Variants in CTPS1 observed in about 807,000 individuals in gnomAD.
CTPS1 encodes CTP synthase 1.
CTPS1 carries 25 observed loss-of-function variants against 80.5 expected under a neutral mutation model. The ratio of observed to expected loss-of-function variants is 0.31; its 90% CI spans 0.23 to 0.43. The LOEUF (loss-of-function observed/expected upper bound fraction) is 0.43. Ranked by LOEUF, CTPS1 falls within the 20% of genes least tolerant of loss-of-function variation. The pLI is 1.00. For synonymous variants in CTPS1, 267 were observed against 252.5 expected (o/e 1.06, Z -0.54); for missense variants, 442 against 725.7 (o/e 0.61, Z 4.49).
In CTPS1 at chr1:41,008,685, T is replaced by C. The variant is rs774975026; in HGVS notation, c.1420T>C (p.Leu474=). The C allele has an allele frequency of 1.9e-6, 3 of 1,614,148 alleles. No homozygotes were observed. Among genetic ancestry groups the C allele is most frequent in the Non-Finnish European group, 2.5e-6 (3 of 1,180,024 alleles). The change falls in exon 15 of 19, where the codon TTG becomes CTG. Residue 474 remains leucine, a synonymous_variant. Transcript: ENST00000650070. ...GAAACTCTATGGAGACGCAGACTAC[T>C]TGGAAGAGAGGCACCGCCACCGATT... ...MRKLYGDADY[L]EERHRHRFEV...
chr1:40,997,583 TC>T, intron 9 of CTPS1, 57 bp downstream of exon 9: 1 of 1,575,530 alleles, frequency 6.3e-7, no homozygotes, highest in Non-Finnish European at 8.6e-7. Context: ...GTCTGTAGTC[TC>T]GTAGGTGCTG....
intron 4 of CTPS1, 130 bp from the exon 5 acceptor site, chr1:40,988,464 T>TA: frequency 1.5e-6 from 1 of 659,840 alleles, no homozygotes; most frequent in Non-Finnish European, 2.7e-6. Flanking sequence ...TAACTAACAT[T>TA]ATACAGGGTT....
intron 1 of CTPS1, chr1:40,980,848 C>T (rs1176412463): frequency 6.5e-6 from 1 of 153,052 alleles, no homozygotes. Flanking sequence ...CCTGCTTCCC[C>T]GCCTTCCCCC....
At chr1:40,999,152 G>C (rs1201889428) in intron 9 of CTPS1, among the ~76,000 whole-genome samples, 2 of 152,186 alleles carry the variant, frequency 1.3e-5, no homozygotes, top group East Asian at 1.9e-4. Flanking sequence ...GGGACACCAG[G>C]TTGGGTTGGG....
chr1:40,983,508 C>T, intron 2 of CTPS1, 52 bp downstream of exon 2: 1 of 1,472,040 alleles, frequency 6.8e-7, no homozygotes, highest in South Asian at 1.3e-5. Flanking sequence ...AACATGTCAG[C>T]ACTTGGGAAT....
At chr1:40,983,087 A>G in intron 1 of CTPS1, 191 bp from the exon 2 acceptor site, 1 of 488,660 alleles carries the variant, frequency 2.0e-6, no homozygotes. Context: ...GACTAAAGCC[A>G]TTCAGTGATC....
chr1:41,012,404 T>C lies in CTPS1; in HGVS notation c.*756T>C, dbSNP rs1274573475. On this transcript the variant is annotated 3_prime_UTR_variant, in exon 19 of 19. Transcript: ENST00000650070. Reference sequence around the variant, plus strand: ...TATATAGACAGCTTTGACTGGAGGGTCCATTTTTCTTCCAGGATGGTGTTA... The same window carrying C: ...TATATAGACAGCTTTGACTGGAGGGCCCATTTTTCTTCCAGGATGGTGTTA... 1 of 152,128 alleles carries C rather than the reference T, an allele frequency of 6.6e-6. No individual in the cohort carries two copies. Among genetic ancestry groups the C allele is most frequent in the Non-Finnish European group, 1.5e-5 (1 of 68,034 alleles). 9.4% of individuals were successfully genotyped at this position (152,128 alleles called of 1,614,324 possible).
At chr1:41,011,023 A>G (rs895407993) in intron 18 of CTPS1, among the ~76,000 whole-genome samples, 1 of 152,182 alleles carries the variant, frequency 6.6e-6, no homozygotes, top group Non-Finnish European at 1.5e-5. Flanking sequence ...CTCCTGCCCT[A>G]AGGCCTGGGC....
chr1:40,998,678 T>C (rs969271921), intron 9 of CTPS1, among the ~76,000 whole-genome samples: 2 of 152,154 alleles, frequency 1.3e-5, no homozygotes, highest in African/African-American at 4.8e-5. Flanking sequence ...CCTTTATTCC[T>C]TTTCTTCCTG....
At chr1:40,981,584 G>C (rs186571794) in intron 1 of CTPS1, among the ~76,000 whole-genome samples, 2 of 152,174 alleles carry the variant, frequency 1.3e-5, no homozygotes, top group Non-Finnish European at 2.9e-5. Context: ...GAGAGACTTA[G>C]GGTCAGATAA....
rs536261661 is a variant in CTPS1 at position 41,012,534 on chromosome 1, TAAG to T, written c.*889_*891del. 1.3e-5 allele frequency: 2 copies of T among 152,158 alleles called. No individual in the cohort carries two copies. Among genetic ancestry groups the T allele is most frequent in the Non-Finnish European group, 2.9e-5 (2 of 68,036 alleles). 9.4% of individuals were successfully genotyped at this position (152,158 alleles called of 1,614,324 possible). ...GCCAGACTCGATGTGTACTCTAACT[TAAG>T]AAATAAATCAGTAAGGCAGAACAAG... On this transcript the variant is annotated 3_prime_UTR_variant, in exon 19 of 19. Coordinates refer to ENST00000650070, the MANE Select transcript of CTPS1 (RefSeq NM_001905.4).
Position 41,007,655 on chromosome 1 carries a change from C to G in CTPS1, c.1393+110C>G, listed in dbSNP as rs1051031118. ...CAGGCTGGCTTTTTTTGGTTTCGTT[C>G]TTGCTTTTGAAGTTCATTCTTTCCT... On this transcript the variant is annotated intron_variant, in intron 14 of 18. Transcript: ENST00000650070. The surrounding 1 kb of genome is among the most constrained non-coding windows in gnomAD (Gnocchi z 4.4). The G allele has an allele frequency of 2.5e-5, 21 of 834,276 alleles. No homozygotes were observed. Among genetic ancestry groups the G allele is most frequent in the Middle Eastern group, 7.0e-4 (2 of 2,868 alleles). The allele number at this position is 834,276 out of a possible 1,614,324, so 51.7% of individuals were successfully genotyped here.
In CTPS1 at chr1:40,991,836, G is replaced by A; in HGVS notation, c.711G>A (p.Glu237=). ...KEKISMFCHV[E]PEQVICVHDV... Reference sequence around the variant, plus strand: ...AAATATCAATGTTCTGCCATGTTGAGCCTGAACAAGTGAGTAGAAATTCCC... The same window carrying A: ...AAATATCAATGTTCTGCCATGTTGAACCTGAACAAGTGAGTAGAAATTCCC... The change falls in exon 7 of 19, where the codon GAG becomes GAA. Residue 237 remains glutamate (E), a synonymous_variant. Coordinates refer to ENST00000650070, the MANE Select transcript of CTPS1 (RefSeq NM_001905.4). The A allele has an allele frequency of 6.2e-7, 1 of 1,613,486 alleles. No individual in the cohort carries two copies. Among genetic ancestry groups the A allele is most frequent in the Non-Finnish European group, 8.5e-7 (1 of 1,179,442 alleles).
chr1:40,987,301 C>T (rs1202555665), intron 3 of CTPS1, 71 bp from the exon 4 acceptor site: 2 of 1,123,262 alleles, frequency 1.8e-6, no homozygotes, highest in African/African-American at 1.5e-5. Context: ...TTTGTTTTCA[C>T]AGTAAGTGCA....
chr1:41,010,269 A>G lies in CTPS1; in HGVS notation c.*9+15A>G, dbSNP rs759283541. 1 of 1,569,042 alleles carries G rather than the reference A, an allele frequency of 6.4e-7. No homozygotes were observed. The highest frequency in any genetic ancestry group is 1.1e-5 in the South Asian group (1 of 89,818). ...GATCTTGTAGCGTAAGTGGTACTTTAAAGTTTTAGTTTTTAAAAACATGGT... is the reference window on the plus strand; with the variant it reads ...GATCTTGTAGCGTAAGTGGTACTTTGAAGTTTTAGTTTTTAAAAACATGGT... On this transcript the variant is annotated intron_variant, in intron 18 of 18. Transcript: ENST00000650070.
intron 5 of CTPS1, among the ~76,000 whole-genome samples, chr1:40,989,353 G>A: frequency 6.6e-6 from 1 of 152,182 alleles, no homozygotes; most frequent in East Asian, 1.9e-4. Flanking sequence ...CTACAAACAT[G>A]GGGTTATGTG....
rs1335975256 is a variant in CTPS1, at chr1:41,003,136, G to T, written c.1212G>T (p.Leu404Phe). 6.2e-7 allele frequency: 1 copy of T among 1,614,174 alleles called. No individual in the cohort carries two copies. Among genetic ancestry groups the T allele is most frequent in the Admixed American group, 1.7e-5 (1 of 60,028 alleles). The change falls in exon 12 of 19, where the codon TTG becomes TTT. Residue 404 changes from leucine (L) to phenylalanine (F), a missense_variant. Physicochemically the swap from Leu to Phe is conservative, Grantham distance 22. Coordinates refer to ENST00000650070, the MANE Select transcript of CTPS1 (RefSeq NM_001905.4). The stretch of plus-strand genomic sequence containing the variant: ...AAGGCGTGTGCTTAGGGATGCAGTT[G>T]GCAGTGGTTGAATTCTCAAGAAACG... Reference protein sequence around the residue: ...PFLGVCLGMQLAVVEFSRNVL... With the variant: ...PFLGVCLGMQFAVVEFSRNVL...
intron 7 of CTPS1, among the ~76,000 whole-genome samples, chr1:40,992,701 T>A (rs979022653): frequency 1.3e-5 from 2 of 151,076 alleles, no homozygotes; most frequent in Non-Finnish European, 3.0e-5. Flanking sequence ...TTTTTTTTTT[T>A]TTTAATTGAG....
chr1:40,982,076 C>T (rs556252635), intron 1 of CTPS1: 1 of 1,088,070 alleles, frequency 9.2e-7, no homozygotes, highest in African/African-American at 1.6e-5. Context: ...CGATCCTGGA[C>T]CTCTGAAGCT....
Sources: gnomAD v4.1 joint callset for allele counts (sites outside exome capture counted in the v4.1 genomes callset) on GRCh38, gnomAD v4.1.1 for gene constraint, Gnocchi (gnomAD v3.1) non-coding constraint, MANE v1.5 for transcripts, NCBI Gene and HGNC (gene_info 2026-07-23, HGNC 2026-07-21) for gene names.